Variants in UBXN7 observed in about 807,000 individuals in gnomAD.
The protein encoded by UBXN7 is UBX domain-containing protein 7.
Under a neutral mutation model 58.0 loss-of-function variants are expected in UBXN7, and 9 were observed. The observed-to-expected ratio is 0.16, with a 90% CI of 0.09 to 0.27. The LOEUF (loss-of-function observed/expected upper bound fraction) is 0.27. Ranked by LOEUF, UBXN7 falls within the 10% of genes least tolerant of loss-of-function variation. UBXN7 has a pLI of 1.00. For synonymous variants in UBXN7, 208 were observed against 205.0 expected (o/e 1.01, Z -0.12); for missense variants, 328 against 599.6 (o/e 0.55, Z 4.73).
At chr3:196,421,180 G>A (rs895477068) in intron 1 of UBXN7, among the ~76,000 whole-genome samples, 40 of 152,128 alleles carry the variant, frequency 2.6e-4, no homozygotes, top group African/African-American at 9.2e-4. Flanking sequence ...ACTAAGTTAG[G>A]GGACAGATAA....
At chr3:196,377,827 C>G (rs970572679) in intron 5 of UBXN7, among the ~76,000 whole-genome samples, 1 of 151,980 alleles carries the variant, frequency 6.6e-6, no homozygotes, top group Non-Finnish European at 1.5e-5. Context: ...TGCACCACCA[C>G]GTCCAGCTAA....
At position 196,354,188 on chromosome 3, in the gene UBXN7, T is replaced by C. The variant is rs1199424678; in HGVS notation, c.*2497A>G. 1 of 152,246 alleles carries C rather than the reference T, an allele frequency of 6.6e-6. No individual in the cohort carries two copies. Among genetic ancestry groups the C allele is most frequent in the Non-Finnish European group, 1.5e-5 (1 of 68,044 alleles). 9.4% of individuals were successfully genotyped at this position (152,246 alleles called of 1,614,324 possible). On this transcript the variant is annotated 3_prime_UTR_variant, in exon 11 of 11. Transcript: ENST00000296328. ...ATAAAACCCACCACATCTTGTATTGTAGACATCCCAGCTGCATGTTAAGCT... is the reference window on the plus strand; with the variant it reads ...ATAAAACCCACCACATCTTGTATTGCAGACATCCCAGCTGCATGTTAAGCT...
At chr3:196,383,413 TCCAGGAC>T (rs1312216196) in intron 5 of UBXN7, among the ~76,000 whole-genome samples, 11 of 152,132 alleles carry the variant, frequency 7.2e-5, no homozygotes, top group African/African-American at 2.7e-4. Context: ...AACAAGGATA[TCCAGGAC>T]CTGAACTCAG....
chr3:196,418,873 A>T (rs959023184), intron 1 of UBXN7, among the ~76,000 whole-genome samples: 1 of 152,196 alleles, frequency 6.6e-6, no homozygotes, highest in Admixed American at 6.5e-5. Context: ...ATAGGGAAAG[A>T]CTACTTTGCC....
In UBXN7 at chr3:196,350,646, G is replaced by C. The variant is rs1019835262; in HGVS notation, c.*6039C>G. On this transcript the variant is annotated 3_prime_UTR_variant, in exon 11 of 11. Coordinates refer to ENST00000296328, the MANE Select transcript of UBXN7 (RefSeq NM_015562.2). ...CCATTATAATCTCTATTTTTAAAAA[G>C]ACATCAAGAAATTCTTGATTCTATA... 9.2e-6 allele frequency: 1 copy of C among 108,572 alleles called. No individual in the cohort carries two copies. The highest frequency in any genetic ancestry group is 3.1e-4 in the South Asian group (1 of 3,240). The allele number at this position is 108,572 out of a possible 1,614,324, so 6.7% of individuals were successfully genotyped here. A position where few individuals can be genotyped will look rare whatever the true frequency, so the allele number is the denominator to read the frequency against.
intron 5 of UBXN7, among the ~76,000 whole-genome samples, chr3:196,375,594 TGAA>T (rs766825269): frequency 1.2e-4 from 18 of 152,290 alleles, no homozygotes; most frequent in African/African-American, 3.1e-4. Context: ...AGATTATCAT[TGAA>T]GAAGATTACT....
chr3:196,350,530 G>A lies in UBXN7; in HGVS notation c.*6155C>T, dbSNP rs949439222. ...TCATAACTATTTTCAGAGAATGAAT[G>A]TTAAAAATAAATGGTGGAGAAGTAA... On this transcript the variant is annotated 3_prime_UTR_variant, in exon 11 of 11. Coordinates refer to ENST00000296328, the MANE Select transcript of UBXN7 (RefSeq NM_015562.2). 6.6e-6 allele frequency: 1 copy of A among 150,462 alleles called. No homozygotes were observed. The highest frequency in any genetic ancestry group is 2.4e-5 in the African/African-American group (1 of 41,020). The allele number at this position is 150,462 out of a possible 1,614,324, so 9.3% of individuals were successfully genotyped here.
intron 3 of UBXN7, among the ~76,000 whole-genome samples, chr3:196,401,882 A>G (rs1181699704): frequency 9.5e-6 from 1 of 105,098 alleles, no homozygotes; most frequent in Non-Finnish European, 2.2e-5. Flanking sequence ...ATTGGGTACT[A>G]CGCTCATTAC....
At chr3:196,379,526 GTAGAGGGAAAAAGATTCAAC>G (rs1560225462) in intron 5 of UBXN7, among the ~76,000 whole-genome samples, 1 of 152,156 alleles carries the variant, frequency 6.6e-6, no homozygotes, top group Non-Finnish European at 1.5e-5. Flanking sequence ...CCTAAGGGTT[GTAGAGGGAAAAAGATTCAAC>G]TTCCGTAACT....
rs1198247941 is a variant in UBXN7, at chr3:196,354,041, A to G, written c.*2644T>C. ...ACTGGAAGAAGCATACTGTCAGCGG[A>G]TTAAATTCTTGAGCAAGGCAATACT... On this transcript the variant is annotated 3_prime_UTR_variant, in exon 11 of 11. Coordinates refer to ENST00000296328, the MANE Select transcript of UBXN7 (RefSeq NM_015562.2). 1 of 152,198 alleles carries G rather than the reference A, an allele frequency of 6.6e-6. No homozygotes were observed. The highest frequency in any genetic ancestry group is 1.5e-5 in the Non-Finnish European group (1 of 68,040). The allele number at this position is 152,198 out of a possible 1,614,324, so 9.4% of individuals were successfully genotyped here. A position where few individuals can be genotyped will look rare whatever the true frequency, so the allele number is the denominator to read the frequency against.
intron 2 of UBXN7, among the ~76,000 whole-genome samples, chr3:196,403,650 T>A (rs1006217973): frequency 1.7e-4 from 26 of 152,012 alleles, no homozygotes; most frequent in Admixed American, 1.6e-3. Flanking sequence ...CAGAAAAATA[T>A]AGGCTTAATA....
Position 196,404,657 on chromosome 3 carries a change from AG to A in UBXN7, c.222-1639del, listed in dbSNP as rs754690209. Among the ~76,000 whole-genome samples, 5 of 152,344 alleles carry A rather than the reference AG, an allele frequency of 3.3e-5. No homozygotes were observed. The East Asian group carries it at 7.7e-4, about 24-fold the overall frequency. On this transcript the variant is annotated intron_variant, in intron 2 of 10. Coordinates refer to ENST00000296328, the MANE Select transcript of UBXN7 (RefSeq NM_015562.2). ...CTCCAAAACATCCTTTATGAAATGA[AG>A]TAGGAATACTCATTTGTCAATAATT...
rs1179718777 is a variant in UBXN7, at chr3:196,369,956, C to G, written c.616-445G>C. On this transcript the variant is annotated intron_variant, in intron 6 of 10. Coordinates refer to ENST00000296328, the MANE Select transcript of UBXN7 (RefSeq NM_015562.2). ...GACCATCCTGGCCAACATGGTGAAA[C>G]CCCGTCTCTACTAAAATACAAAAAT... 2.6e-5 allele frequency among the ~76,000 whole-genome samples: 4 copies of G among 152,058 alleles called. No homozygotes were observed. The South Asian group carries it at 8.3e-4, about 32-fold the overall frequency.
intron 6 of UBXN7, among the ~76,000 whole-genome samples, chr3:196,370,190 C>T (rs1403852529): frequency 6.7e-6 from 1 of 149,504 alleles, no homozygotes; most frequent in Admixed American, 6.7e-5. Context: ...ATAACCCTAG[C>T]ACTTTGTAGG....
chr3:196,401,270 A>C lies in UBXN7; in HGVS notation c.289+1682T>G, dbSNP rs1285429373. Among the ~76,000 whole-genome samples the C allele has an allele frequency of 9.6e-4, 80 of 83,178 alleles. 3 individuals are homozygous for C. In the East Asian group the frequency reaches 0.024, roughly 24 times the overall value. 54.6% of individuals were successfully genotyped at this position (83,178 alleles called of 152,430 possible). Reference sequence around the variant, plus strand: ...CTCCAAAAAAAAAAAAAAAAAAAAAAAAAAATATATATATATATATATATA... The same window carrying C: ...CTCCAAAAAAAAAAAAAAAAAAAAACAAAAATATATATATATATATATATA... On this transcript the variant is annotated intron_variant, in intron 3 of 10. Coordinates refer to ENST00000296328, the MANE Select transcript of UBXN7 (RefSeq NM_015562.2).
At chr3:196,400,737 A>C in intron 3 of UBXN7, 1 of 381,566 alleles carries the variant, frequency 2.6e-6, no homozygotes, top group African/African-American at 2.2e-5. Flanking sequence ...CCATTTCTGC[A>C]AAACAAAAGA....
At chr3:196,406,240 C>T (rs937657647) in intron 2 of UBXN7, among the ~76,000 whole-genome samples, 10 of 151,890 alleles carry the variant, frequency 6.6e-5, no homozygotes, top group Non-Finnish European at 1.2e-4. Context: ...GCTATATTGC[C>T]CAAGCTGGTC....
Position 196,356,612 on chromosome 3 carries a change from T to C in UBXN7, c.*73A>G. 1 of 1,516,034 alleles carries C rather than the reference T, an allele frequency of 6.6e-7. No individual in the cohort carries two copies. The highest frequency in any genetic ancestry group is 8.8e-7 in the Non-Finnish European group (1 of 1,138,370). 93.9% of individuals were successfully genotyped at this position (1,516,034 alleles called of 1,614,324 possible). ...GGCTCTGTGGTCCTATGAGCCAAAA[T>C]GCATACTTAGTGACATGTATCTCAC... On this transcript the variant is annotated 3_prime_UTR_variant, in exon 11 of 11. Transcript: ENST00000296328.
At chr3:196,391,749 T>A (rs1023474511) in intron 5 of UBXN7, 64 bp downstream of exon 5, 43 of 1,265,800 alleles carry the variant, frequency 3.4e-5, no homozygotes, top group Non-Finnish European at 4.6e-5. Context: ...AGTAATTTTT[T>A]AAAAAAAGGC....
Sources: allele counts gnomAD v4.1 joint callset (sites outside exome capture counted in the v4.1 genomes callset), GRCh38; gene constraint gnomAD v4.1.1; transcripts MANE v1.5; gene names NCBI Gene and HGNC (gene_info 2026-07-23, HGNC 2026-07-21).